The following GPS1 variants were observed in gnomAD, a reference collection of about 807,000 sequenced individuals.
GPS1 encodes the protein G protein pathway suppressor 1, also known as COP9 signalosome complex subunit 1.
Under a neutral mutation model 60.0 loss-of-function variants are expected in GPS1, and 11 were observed. That is an observed-to-expected ratio of 0.18 (90% CI 0.12 to 0.30). GPS1 has a LOEUF of 0.30. Among genes scored for constraint, GPS1 ranks in the 10% least tolerant of loss-of-function variants. The probability of loss-of-function intolerance (pLI) is 1.00; values close to 1 mark genes in which losing one functional copy is unlikely to be tolerated. For missense variants in GPS1, 543 were observed against 669.2 expected (o/e 0.81, Z 2.08); for synonymous variants, 343 against 269.8 (o/e 1.27, Z -2.66).
In GPS1 at chr17:82,057,415, G is replaced by T; in HGVS notation, c.*288G>T. ...CATTTCCCAGACCCCTCCTGTTCCC[G>T]CCTCAGTCAGGTGCAGACAAGTGGG... is the stretch of plus-strand genomic sequence containing the variant. On this transcript the variant is annotated 3_prime_UTR_variant, in exon 13 of 13. Coordinates refer to ENST00000578552, the MANE Select transcript of GPS1 (RefSeq NM_001321092.3). 1.6e-6 allele frequency: 1 copy of T among 621,858 alleles called. No homozygotes were observed. The highest frequency in any genetic ancestry group is 1.5e-5 in the South Asian group (1 of 65,362). The allele number at this position is 621,858 out of a possible 1,614,324, so 38.5% of individuals were successfully genotyped here.
At chr17:82,052,325 CCCAGCTCGGCCT>C (rs1406127229) in intron 1 of GPS1, 1 of 1,612,984 alleles carries the variant, frequency 6.2e-7, no homozygotes, top group South Asian at 1.1e-5. Flanking sequence ...TAGCTCGGCC[CCCAGCTCGGCCT>C]CCTCGTCAGT....
At chr17:82,053,129 C>T in intron 1 of GPS1, 145 bp from the exon 2 acceptor site, 1 of 544,106 alleles carries the variant, frequency 1.8e-6, no homozygotes. Context: ...TGGGAGGGCA[C>T]ACCTGGGGGA....
intron 5 of GPS1, 24 bp from the exon 6 acceptor site, chr17:82,055,138 C>A: frequency 6.4e-7 from 1 of 1,563,540 alleles, no homozygotes; most frequent in Non-Finnish European, 8.7e-7. Context: ...GCATGGGCCT[C>A]ACGCATGTGG....
upstream of GPS1, chr17:82,051,514 G>A: frequency 1.4e-6 from 2 of 1,392,858 alleles, no homozygotes; most frequent in African/African-American, 1.5e-5. The surrounding 1 kb of genome is among the most constrained non-coding windows in gnomAD (Gnocchi z 4.1). Context: ...TGGCGGGCCC[G>A]GGAGATCCAG....
At chr17:82,053,210 G>T in intron 1 of GPS1, 64 bp from the exon 2 acceptor site, 1 of 1,307,770 alleles carries the variant, frequency 7.6e-7, no homozygotes, top group South Asian at 1.6e-5. Flanking sequence ...AGAACAGTGC[G>T]GGTCTCTCGC....
At chr17:82,051,529 G>A (rs1273072952), upstream of GPS1, 2 of 1,398,690 alleles carry the variant, frequency 1.4e-6, no homozygotes, top group South Asian at 1.5e-5. This position sits in a 1 kb window ranked among gnomAD's most constrained non-coding sequence, Gnocchi z 4.1. Context: ...ATCCAGGTGC[G>A]CAGCAGCAGC....
intron 2 of GPS1, 117 bp from the exon 3 acceptor site, chr17:82,053,751 A>C: frequency 9.8e-7 from 1 of 1,019,568 alleles, no homozygotes; most frequent in Non-Finnish European, 1.4e-6. Flanking sequence ...GGTTCTGGTT[A>C]TGGGCCCAGG....
At chr17:82,051,084 C>T (rs1013494282), upstream of GPS1, 2 of 1,367,090 alleles carry the variant, frequency 1.5e-6, no homozygotes, top group Non-Finnish European at 1.9e-6. The surrounding 1 kb of genome is among the most constrained non-coding windows in gnomAD (Gnocchi z 4.1). Flanking sequence ...CCCCGGGAAG[C>T]GGCTAGTGTG....
intron 2 of GPS1, 27 bp from the exon 3 acceptor site, chr17:82,053,841 C>A (rs760995728): frequency 2.5e-6 from 4 of 1,590,466 alleles, no homozygotes; most frequent in African/African-American, 2.7e-5. Flanking sequence ...CCCATCCTGC[C>A]TGACTCTTGT....
At chr17:82,054,414 GT>G in intron 3 of GPS1, 95 bp from the exon 4 acceptor site, 1 of 1,414,190 alleles carries the variant, frequency 7.1e-7, no homozygotes, top group Middle Eastern at 2.5e-4. Context: ...CTGTGTGCCG[GT>G]TGGGCCTTTG....
chr17:82,054,566 TG>T lies in GPS1; in HGVS notation c.367del (p.Asp123ThrfsTer14). On this transcript the variant is annotated frameshift_variant, in exon 4 of 13. Transcript: ENST00000578552. LOFTEE classifies it high-confidence loss of function. ...IPESGVEPPA[L>X]DTAWVEATRK... ...GAGAGCGGCGTGGAGCCCCCAGCCCTGGACACGGCCTGGGTGGAGGCCACGC... is the reference window on the plus strand; with the variant it reads ...GAGAGCGGCGTGGAGCCCCCAGCCCTGACACGGCCTGGGTGGAGGCCACGC... 1 of 1,594,892 alleles carries T rather than the reference TG, an allele frequency of 6.3e-7. No individual in the cohort carries two copies.
At chr17:82,055,269 T>A in intron 6 of GPS1, 47 bp downstream of exon 6, 1 of 1,534,962 alleles carries the variant, frequency 6.5e-7, no homozygotes, top group South Asian at 1.2e-5. Context: ...CCCCTGTTGC[T>A]AAGTCCTCCC....
In GPS1 at chr17:82,055,384, T is replaced by C. The variant is rs908737788; in HGVS notation, c.748+162T>C. The C allele has an allele frequency of 1.1e-5, 8 of 749,358 alleles. No homozygotes were observed. The African/African-American group carries it at 1.2e-4, about 11-fold the overall frequency. The allele number at this position is 749,358 out of a possible 1,614,324, so 46.4% of individuals were successfully genotyped here. A position where few individuals can be genotyped will look rare whatever the true frequency, so the allele number is the denominator to read the frequency against. On this transcript the variant is annotated intron_variant, in intron 6 of 12. Coordinates refer to ENST00000578552, the MANE Select transcript of GPS1 (RefSeq NM_001321092.3). ...ACAGGTGTAGGTGGTGCCTAAAGTC[T>C]GCCCCGGGGAAGCCAGTGGGTGACG... is the stretch of plus-strand genomic sequence containing the variant.
upstream of GPS1, chr17:82,051,396 G>T: frequency 1.4e-6 from 2 of 1,416,632 alleles, no homozygotes; most frequent in Non-Finnish European, 1.8e-6. This position sits in a 1 kb window ranked among gnomAD's most constrained non-coding sequence, Gnocchi z 4.1. Context: ...GCCGGAGACC[G>T]ACCCGCCCCG....
intron 6 of GPS1, 37 bp from the exon 7 acceptor site, chr17:82,055,703 C>G: frequency 7.3e-7 from 1 of 1,365,682 alleles, no homozygotes; most frequent in Non-Finnish European, 1.0e-6. Context: ...GGTCTTACCC[C>G]CTCTCCCCCC....
rs749792698 is a variant in GPS1 at position 82,055,144 on chromosome 17, T to C, written c.688-18T>C. The C allele has an allele frequency of 2.2e-5, 35 of 1,564,132 alleles. No homozygotes were observed. Among genetic ancestry groups the C allele is most frequent in the Admixed American group, 1.9e-5 (1 of 52,654 alleles). On this transcript the variant is annotated intron_variant, in intron 5 of 12. Transcript: ENST00000578552. ...AAATGTGGAGCATGGGCCTCACGCA[T>C]GTGGCTTCCTCCTACAGCAGCGAGG...
In GPS1 at chr17:82,056,781, C is replaced by T. The variant is rs535662670; in HGVS notation, c.1254+15C>T. 48 of 1,599,992 alleles carry T rather than the reference C, an allele frequency of 3.0e-5. No homozygotes were observed. Among genetic ancestry groups the T allele is most frequent in the Middle Eastern group, 3.3e-4 (2 of 5,978 alleles). On this transcript the variant is annotated intron_variant, in intron 11 of 12. Transcript: ENST00000578552. ...CACACAGCAAGGTGGCTGTGGGCTG[C>T]GGGGCGGTGGGGGCAGCTGGGGGTG...
At chr17:82,056,177 C>T in intron 8 of GPS1, 82 bp downstream of exon 8, 7 of 1,386,876 alleles carry the variant, frequency 5.0e-6, no homozygotes, top group Admixed American at 1.7e-5. Context: ...TGTCCTGGCC[C>T]CCTGGCCCCA....
At chr17:82,052,504 G>A in intron 1 of GPS1, 2 of 1,590,824 alleles carry the variant, frequency 1.3e-6, no homozygotes, top group Non-Finnish European at 1.7e-6. Flanking sequence ...GGGGGGAGCA[G>A]GGCCCCGGCC....
Sources: allele counts gnomAD v4.1 joint callset, GRCh38; gene constraint gnomAD v4.1.1; non-coding constraint Gnocchi (gnomAD v3.1); transcripts MANE v1.5; gene names NCBI Gene and HGNC (gene_info 2026-07-23, HGNC 2026-07-21).